The following MTRR variants were observed in gnomAD, a reference collection of about 807,000 sequenced individuals.
MTRR encodes the protein 5-methyltetrahydrofolate-homocysteine methyltransferase reductase.
Under a neutral mutation model 79.2 loss-of-function variants are expected in MTRR, and 63 were observed. That is an observed-to-expected ratio of 0.80 (90% CI 0.65 to 0.98). MTRR has a LOEUF of 0.98. Ranked by LOEUF, MTRR falls within the 50% of genes least tolerant of loss-of-function variation. MTRR has a pLI of 0.00. For synonymous variants in MTRR, 355 were observed against 313.3 expected (o/e 1.13, Z -1.41); for missense variants, 895 against 839.6 (o/e 1.07, Z -0.82).
chr5:7,896,583 G>A, intron 12 of MTRR: 1 of 493,896 alleles, frequency 2.0e-6, no homozygotes, highest in Non-Finnish European at 3.7e-6. Flanking sequence ...GTTATTGAAT[G>A]TAGAGCTCTC....
chr5:7,869,325 T>G, intron 1 of MTRR, 110 bp downstream of exon 1: 1 of 1,337,032 alleles, frequency 7.5e-7, no homozygotes, highest in Non-Finnish European at 1.0e-6. Flanking sequence ...CGCCCGTGGT[T>G]CCCACGCCCT....
intron 12 of MTRR, chr5:7,896,663 C>G (rs1170486153): frequency 9.8e-6 from 6 of 614,600 alleles, no homozygotes; most frequent in African/African-American, 9.3e-5. Context: ...TGCCTCTCCA[C>G]ACACTTGCCT....
chr5:7,869,373 T>A (rs1162899497), intron 1 of MTRR, 158 bp downstream of exon 1: 6 of 766,236 alleles, frequency 7.8e-6, no homozygotes, highest in African/African-American at 6.9e-5. Context: ...GGGCTGGGGC[T>A]CGGACTTGGC....
At chr5:7,872,307 T>C in intron 2 of MTRR, 1 of 430,548 alleles carries the variant, frequency 2.3e-6, no homozygotes, top group South Asian at 1.7e-5. Flanking sequence ...GTCTTACAAG[T>C]AAGACAAGGA....
At chr5:7,868,321 A>C (rs563968905), upstream of MTRR, 1 of 468,460 alleles carries the variant, frequency 2.1e-6, no homozygotes, top group Non-Finnish European at 3.7e-6. Context: ...ATTACTTGCT[A>C]AACACTGTTG....
chr5:7,867,626 A>G (rs1747091057), upstream of MTRR: 1 of 1,614,104 alleles, frequency 6.2e-7, no homozygotes, highest in Non-Finnish European at 8.5e-7. Context: ...ATTCTCCAGT[A>G]TTTCTTTTGG....
chr5:7,864,556 C>A (rs1746796765), upstream of MTRR, among the ~76,000 whole-genome samples: 1 of 151,998 alleles, frequency 6.6e-6, no homozygotes, highest in East Asian at 1.9e-4. Context: ...TCCTTAAAGA[C>A]AAACCATCCA....
At chr5:7,886,523 GTAC>G in intron 7 of MTRR, 89 bp from the exon 8 acceptor site, 1 of 994,536 alleles carries the variant, frequency 1.0e-6, no homozygotes, top group Admixed American at 1.7e-5. Context: ...GCGCTGTAAA[GTAC>G]TACAGTAATT....
chr5:7,866,974 A>C (rs1226955739), upstream of MTRR: 2 of 1,614,192 alleles, frequency 1.2e-6, no homozygotes, highest in East Asian at 4.5e-5. Context: ...CCCTGCAGAC[A>C]ACTTCAGGAT....
At chr5:7,862,854 T>G in intron 2 of MTRR, 1 of 1,613,780 alleles carries the variant, frequency 6.2e-7, no homozygotes. Flanking sequence ...TCAACACTTT[T>G]GGAGCAAAAT....
At chr5:7,877,872 CATT>C in intron 4 of MTRR, 69 bp from the exon 5 acceptor site, 3 of 1,591,492 alleles carry the variant, frequency 1.9e-6, no homozygotes, top group Non-Finnish European at 2.6e-6. Flanking sequence ...GACAGACTGT[CATT>C]ATCCTGTTCT....
At chr5:7,887,294 G>A (rs553811809) in intron 8 of MTRR, among the ~76,000 whole-genome samples, 5 of 152,056 alleles carry the variant, frequency 3.3e-5, no homozygotes, top group African/African-American at 1.2e-4. Context: ...ATTGTACCAG[G>A]AACTGTTTTT....
At chr5:7,857,066 C>T (rs1313656013) in intron 1 of MTRR, among the ~76,000 whole-genome samples, 2 of 152,084 alleles carry the variant, frequency 1.3e-5, no homozygotes, top group Non-Finnish European at 2.9e-5. Flanking sequence ...AACTTTGCTG[C>T]CCCCTATTGA....
At chr5:7,860,920 TG>T (rs966441765) in intron 1 of MTRR, among the ~76,000 whole-genome samples, 3 of 152,228 alleles carry the variant, frequency 2.0e-5, no homozygotes, top group African/African-American at 7.2e-5. Context: ...AATATGTAAC[TG>T]TAACCAGTCA....
chr5:7,890,945 T>G (rs1737435867), intron 9 of MTRR, among the ~76,000 whole-genome samples: 1 of 152,214 alleles, frequency 6.6e-6, no homozygotes, highest in Admixed American at 6.5e-5. Flanking sequence ...GAGTAGCCTT[T>G]AATCTTTTTG....
At chr5:7,882,597 C>T (rs1735755473) in intron 5 of MTRR, among the ~76,000 whole-genome samples, 1 of 152,156 alleles carries the variant, frequency 6.6e-6, no homozygotes, top group South Asian at 2.1e-4. Flanking sequence ...TTGCAGTTTT[C>T]CAAGACCTAC....
At chr5:7,896,983 C>A in intron 13 of MTRR, 27 bp downstream of exon 13, 1 of 1,609,936 alleles carries the variant, frequency 6.2e-7, no homozygotes, top group Non-Finnish European at 8.5e-7. Flanking sequence ...GTATTGTACT[C>A]AACCACTGAG....
chr5:7,889,225 A>C lies in MTRR; in HGVS notation c.1277A>C (p.Asp426Ala). The C allele has an allele frequency of 1.2e-6, 2 of 1,613,152 alleles. No individual in the cohort carries two copies. The highest frequency in any genetic ancestry group is 1.1e-5 in the South Asian group (1 of 91,012). The change falls in exon 9 of 15, where the codon GAT (aspartate) becomes GCT (alanine). Residue 426 changes from aspartate (D) to alanine (A), a missense_variant. Asp to Ala is a moderately radical substitution (Grantham distance 126). Transcript: ENST00000440940. The part of the protein sequence containing the change: ...FVRDACACLL[D>A]LLLAFPSCQP... Reference sequence around the variant, plus strand: ...CGAGATGCCTGTGCCTGCTTGTTGGATCTCCTCCTCGCTTTCCCTTCTTGC... The same window carrying C: ...CGAGATGCCTGTGCCTGCTTGTTGGCTCTCCTCCTCGCTTTCCCTTCTTGC...
rs114259126 is a variant in MTRR at position 7,897,114 on chromosome 5, G to A, written c.1819G>A (p.Val607Ile). The change falls in exon 14 of 15, where the codon GTT (valine) becomes ATT (isoleucine). Residue 607 changes from valine to isoleucine, a missense_variant. By Grantham distance (29) the Val-to-Ile change is conservative. Coordinates refer to ENST00000440940, the MANE Select transcript of MTRR (RefSeq NM_002454.3). ...GCATGGGATCTTAACTCATCTAAAG[G>A]TTTCCTTCTCAAGAGATGCTCCTGT... ...LKHGILTHLK[V>I]SFSRDAPVGE... 7.1e-4 allele frequency: 1,140 copies of A among 1,614,128 alleles called. 13 individuals are homozygous for A. The African/African-American group carries it at 0.013, about 19-fold the overall frequency.
Sources: gnomAD v4.1 joint callset for allele counts (sites outside exome capture counted in the v4.1 genomes callset) on GRCh38, gnomAD v4.1.1 for gene constraint, MANE v1.5 for transcripts, NCBI Gene and HGNC (gene_info 2026-07-23, HGNC 2026-07-21) for gene names.